DPP6: variants seen among roughly 807,000 people sequenced by gnomAD.
The protein encoded by DPP6 is A-type potassium channel modulatory protein DPP6.
DPP6 carries 69 observed loss-of-function variants against 122.6 expected under a neutral mutation model. The observed-to-expected ratio is 0.56, with a 90% CI of 0.46 to 0.69. The LOEUF is 0.69. Ranked by LOEUF, DPP6 falls within the 30% of genes least tolerant of loss-of-function variation. The pLI is 0.00. For missense variants in DPP6, 928 were observed against 1,116.9 expected (o/e 0.83, Z 2.41); for synonymous variants, 418 against 433.1 (o/e 0.97, Z 0.43).
At chr7:154,750,092 A>G (rs993437350) in intron 8 of DPP6, among the ~76,000 whole-genome samples, 1 of 152,112 alleles carries the variant, frequency 6.6e-6, no homozygotes, top group Admixed American at 6.5e-5. Context: ...TGCAAAGGAG[A>G]GCTGCTTCCC....
At chr7:154,501,911 C>G (rs973161223) in intron 3 of DPP6, among the ~76,000 whole-genome samples, 2 of 149,880 alleles carry the variant, frequency 1.3e-5, no homozygotes, top group Non-Finnish European at 3.0e-5. Context: ...ATGAAAGCAG[C>G]CTGAAGGGAG....
chr7:153,853,715 C>A, the DPP6 span, among the ~76,000 whole-genome samples: 2 of 152,130 alleles, frequency 1.3e-5, no homozygotes, highest in African/African-American at 4.8e-5. Flanking sequence ...CAGAATCATG[C>A]AATTCAAATT....
At chr7:154,465,028 C>T (rs1214239779) in intron 2 of DPP6, among the ~76,000 whole-genome samples, 2 of 151,944 alleles carry the variant, frequency 1.3e-5, no homozygotes, top group African/African-American at 2.4e-5. Flanking sequence ...AAAATTATAC[C>T]AATATACTGT....
intron 1 of DPP6, among the ~76,000 whole-genome samples, chr7:154,278,670 T>C (rs1804293955): frequency 6.6e-6 from 1 of 152,254 alleles, no homozygotes; most frequent in South Asian, 2.1e-4. Context: ...TTATGCTTGC[T>C]CTAGTAATGT....
chr7:154,734,986 G>A lies in DPP6; in HGVS notation c.883+7099G>A, dbSNP rs561611100. Among the ~76,000 whole-genome samples, 3 of 152,266 alleles carry A rather than the reference G, an allele frequency of 2.0e-5. No individual in the cohort carries two copies. The South Asian group carries it at 6.2e-4, about 32-fold the overall frequency. ...CTTTACCTTGTAATTTCCCAAACTCGGTAAAATAAGAGGCACCTGCTCAAC... is the reference window on the plus strand; with the variant it reads ...CTTTACCTTGTAATTTCCCAAACTCAGTAAAATAAGAGGCACCTGCTCAAC... On this transcript the variant is annotated intron_variant, in intron 8 of 25. Transcript: ENST00000377770.
chr7:153,786,090 T>A, the DPP6 span, among the ~76,000 whole-genome samples: 2 of 152,230 alleles, frequency 1.3e-5, no homozygotes, highest in Non-Finnish European at 2.9e-5. Flanking sequence ...TTGTCTTTTG[T>A]GCATTTATTT....
chr7:154,045,168 CT>C (rs1276532190), intron 1 of DPP6, among the ~76,000 whole-genome samples: 1 of 145,864 alleles, frequency 6.9e-6, no homozygotes, highest in Non-Finnish European at 1.5e-5. Context: ...GGACTGCATT[CT>C]TTTTTGATTC....
chr7:154,881,015 C>T, intron 21 of DPP6, 73 bp downstream of exon 21: 1 of 1,540,736 alleles, frequency 6.5e-7, no homozygotes, highest in African/African-American at 1.4e-5. Context: ...ACGTCTAATC[C>T]TGATTTATTG....
intron 1 of DPP6, among the ~76,000 whole-genome samples, chr7:154,098,829 T>G (rs1207376668): frequency 6.6e-6 from 1 of 152,138 alleles, no homozygotes; most frequent in African/African-American, 2.4e-5. Context: ...GCAAAGAAAT[T>G]GATAATGATA....
chr7:153,758,042 A>G, the DPP6 span, among the ~76,000 whole-genome samples: 1 of 152,230 alleles, frequency 6.6e-6, no homozygotes, highest in Non-Finnish European at 1.5e-5. Context: ...ATCAAAAACT[A>G]TCCCATAGTA....
chr7:153,765,746 A>T, the DPP6 span, among the ~76,000 whole-genome samples: 1 of 152,206 alleles, frequency 6.6e-6, no homozygotes, highest in African/African-American at 2.4e-5. Context: ...TACCTAAAAA[A>T]CACATGTCGC....
At chr7:154,290,952 A>C (rs1237622054) in intron 1 of DPP6, among the ~76,000 whole-genome samples, 1 of 152,226 alleles carries the variant, frequency 6.6e-6, no homozygotes, top group Non-Finnish European at 1.5e-5. Context: ...ATGTTCAATA[A>C]AAATTAAACA....
At chr7:153,911,118 C>G (rs1800072819) in intron 1 of DPP6, among the ~76,000 whole-genome samples, 1 of 152,200 alleles carries the variant, frequency 6.6e-6, no homozygotes, top group Non-Finnish European at 1.5e-5. Context: ...GATGTAGAGG[C>G]CTCCAGCCTG....
At chr7:153,819,066 C>A in the DPP6 span, among the ~76,000 whole-genome samples, 2 of 91,328 alleles carry the variant, frequency 2.2e-5, no homozygotes, top group Admixed American at 1.4e-4. Flanking sequence ...TTTTTTTTCC[C>A]CTTTTCTTTT....
At position 154,004,903 on chromosome 7, in the gene DPP6, T is replaced by C. The variant is rs1398776046; in HGVS notation, c.51+117169T>C. Among the ~76,000 whole-genome samples, 6 of 152,248 alleles carry C rather than the reference T, an allele frequency of 3.9e-5. No homozygotes were observed. The East Asian group carries it at 1.2e-3, about 29-fold the overall frequency. ...AAGGTTCATTTCTCCTAATATATGCTGTCTGTACATTTGTCGCCTATAATA... is the reference window on the plus strand; with the variant it reads ...AAGGTTCATTTCTCCTAATATATGCCGTCTGTACATTTGTCGCCTATAATA... On this transcript the variant is annotated intron_variant, in intron 1 of 25. Transcript: ENST00000404039.
intron 1 of DPP6, among the ~76,000 whole-genome samples, chr7:153,892,561 G>A (rs1265952633): frequency 6.6e-5 from 10 of 152,170 alleles, no homozygotes; most frequent in East Asian, 3.9e-4. Flanking sequence ...TGGTCTGCCC[G>A]TCTCGGCCCC....
intron 1 of DPP6, among the ~76,000 whole-genome samples, chr7:154,267,659 C>A (rs1803519673): frequency 6.7e-6 from 1 of 149,640 alleles, no homozygotes; most frequent in South Asian, 2.1e-4. Context: ...TGCACACATA[C>A]ATATATATGT....
At chr7:153,812,102 T>TCTCCTCTTTCATCTTTTC in the DPP6 span, among the ~76,000 whole-genome samples, 23 of 152,268 alleles carry the variant, frequency 1.5e-4, no homozygotes, top group African/African-American at 5.5e-4. Flanking sequence ...GGCACTTTTT[T>TCTCCTCTTTCATCTTTTC]CTCCTCTTTC....
At chr7:154,749,546 G>C (rs1350785136) in intron 8 of DPP6, among the ~76,000 whole-genome samples, 2 of 140,032 alleles carry the variant, frequency 1.4e-5, no homozygotes, top group African/African-American at 2.7e-5. Flanking sequence ...GGGAGAGAGA[G>C]GGATGGAGGC....
Sources: gnomAD v4.1 joint callset for allele counts (sites outside exome capture counted in the v4.1 genomes callset) on GRCh38, gnomAD v4.1.1 for gene constraint, MANE v1.5 for transcripts, NCBI Gene and HGNC (gene_info 2026-07-23, HGNC 2026-07-21) for gene names.